Variants in KDM2B observed in about 807,000 individuals in gnomAD.
KDM2B encodes the protein lysine demethylase 2B.
In KDM2B, 26 loss-of-function variants were observed where a neutral mutation model predicts 150.0. That is an observed-to-expected ratio of 0.17 (90% CI 0.13 to 0.24). The LOEUF is 0.24. KDM2B is among the 10% of genes least tolerant of loss of function. The pLI is 1.00. For synonymous variants in KDM2B, 734 were observed against 729.5 expected (o/e 1.01, Z -0.10); for missense variants, 1,265 against 1,816.9 (o/e 0.70, Z 5.52).
chr12:121,476,085 A>G (rs998705037), intron 12 of KDM2B, among the ~76,000 whole-genome samples: 2 of 150,822 alleles, frequency 1.3e-5, no homozygotes, highest in Non-Finnish European at 2.9e-5. Context: ...ACCTGAGGTC[A>G]GGAGTTCAAG....
chr12:121,503,710 C>A (rs1224765226), intron 11 of KDM2B, among the ~76,000 whole-genome samples: 1 of 152,314 alleles, frequency 6.6e-6, no homozygotes, highest in East Asian at 1.9e-4. Context: ...GGGTAGCTGG[C>A]CAAAGCCAGC....
chr12:121,580,731 T>C (rs1891915652), intron 1 of KDM2B, 55 bp downstream of exon 1: 1 of 1,456,040 alleles, frequency 6.9e-7, no homozygotes, highest in African/African-American at 1.4e-5. Context: ...CCTGCCCTCA[T>C]TGCCCAGGGC....
intron 4 of KDM2B, among the ~76,000 whole-genome samples, chr12:121,563,902 A>C (rs1243755620): frequency 6.6e-6 from 1 of 152,088 alleles, no homozygotes; most frequent in Non-Finnish European, 1.5e-5. Context: ...GTCTCAAAAA[A>C]AAAATTAAAA....
chr12:121,485,115 C>A (rs1317951326), intron 12 of KDM2B, among the ~76,000 whole-genome samples: 1 of 152,148 alleles, frequency 6.6e-6, no homozygotes, highest in Non-Finnish European at 1.5e-5. Flanking sequence ...CCTGCTGACA[C>A]CCTGACCTTG....
In KDM2B at chr12:121,487,177, G is replaced by A. The variant is rs78218607; in HGVS notation, c.1734+7402C>T. 1.4e-3 allele frequency among the ~76,000 whole-genome samples: 220 copies of A among 152,130 alleles called. 1 individual carries two copies. Among genetic ancestry groups the A allele is most frequent in the African/African-American group, 5.2e-3 (217 of 41,518 alleles). On this transcript the variant is annotated intron_variant, in intron 12 of 22. Coordinates refer to ENST00000377071, the MANE Select transcript of KDM2B (RefSeq NM_032590.5). Reference sequence around the variant, plus strand: ...AAAGGAAAGAAACAAAAGAAGGAAAGAAAGAAAGAACGAAAGAACTGGGGC... The same window carrying A: ...AAAGGAAAGAAACAAAAGAAGGAAAAAAAGAAAGAACGAAAGAACTGGGGC...
intron 12 of KDM2B, among the ~76,000 whole-genome samples, chr12:121,493,188 A>G (rs1000561681): frequency 6.0e-5 from 9 of 149,834 alleles, no homozygotes; most frequent in Admixed American, 5.4e-4. Flanking sequence ...AACAACAGGC[A>G]TAAGCCACCA....
intron 22 of KDM2B, among the ~76,000 whole-genome samples, chr12:121,436,908 A>AC (rs1874099456): frequency 6.6e-6 from 1 of 152,244 alleles, no homozygotes. Context: ...CCTCCCACTT[A>AC]CTGTAGCAAC....
At chr12:121,473,284 T>C (rs1347903926) in intron 12 of KDM2B, among the ~76,000 whole-genome samples, 1 of 151,078 alleles carries the variant, frequency 6.6e-6, no homozygotes, top group Non-Finnish European at 1.5e-5. Flanking sequence ...CCCAGTTACT[T>C]GGGAGGCTGA....
rs564378175 is a variant in KDM2B, at chr12:121,476,093, A to G, written c.1734+18486T>C. Among the ~76,000 whole-genome samples the G allele has an allele frequency of 2.3e-3, 342 of 147,240 alleles. 1 individual carries two copies. Among genetic ancestry groups the G allele is most frequent in the Middle Eastern group, 3.4e-3 (1 of 290 alleles). ...GCAGATCACCTGAGGTCAGGAGTTC[A>G]AGACCAGCCTGGCCAACATGGTGAA... On this transcript the variant is annotated intron_variant, in intron 12 of 22. Transcript: ENST00000377071.
At chr12:121,559,851 T>C (rs28456287) in intron 4 of KDM2B, among the ~76,000 whole-genome samples, 1 of 148,486 alleles carries the variant, frequency 6.7e-6, no homozygotes, top group East Asian at 2.0e-4. Context: ...TGAGATGAGC[T>C]GAGATTGTGC....
chr12:121,575,878 T>G lies in KDM2B; in HGVS notation c.272-19A>C, dbSNP rs1555316798. 4 of 1,585,252 alleles carry G rather than the reference T, an allele frequency of 2.5e-6. No individual in the cohort carries two copies. The highest frequency in any genetic ancestry group is 3.5e-6 in the Non-Finnish European group (4 of 1,153,762). ...TTGAAATCTGTTTGGATATTTGAAT[T>G]AAAACAAGTTGGTTAAGTCACGAAG... On this transcript the variant is annotated intron_variant, in intron 2 of 22. Coordinates refer to ENST00000377071, the MANE Select transcript of KDM2B (RefSeq NM_032590.5). The surrounding 1 kb of genome is among the most constrained non-coding windows in gnomAD (Gnocchi z 4.4).
At chr12:121,574,509 T>G (rs1555316542) in intron 4 of KDM2B, 38 bp downstream of exon 4, 1 of 1,605,676 alleles carries the variant, frequency 6.2e-7, no homozygotes, top group African/African-American at 1.3e-5. Flanking sequence ...CTTCCCTACT[T>G]CAGCATGTCT....
chr12:121,496,460 C>CCAG (rs782462127), intron 11 of KDM2B, among the ~76,000 whole-genome samples: 1 of 151,536 alleles, frequency 6.6e-6, no homozygotes, highest in Non-Finnish European at 1.5e-5. Flanking sequence ...AGAAATGACT[C>CCAG]CAGCTTACTT....
intron 8 of KDM2B, chr12:121,524,755 G>C (rs1566375671): frequency 2.3e-6 from 1 of 437,272 alleles, no homozygotes; most frequent in East Asian, 7.1e-5. Flanking sequence ...TGGGAACGCT[G>C]GCATCTGCCT....
At position 121,513,312 on chromosome 12, in the gene KDM2B, G is replaced by A. The variant is rs1401209538; in HGVS notation, c.1138C>T (p.Leu380Phe). The A allele has an allele frequency of 1.7e-5, 27 of 1,613,654 alleles. No individual in the cohort carries two copies. Among genetic ancestry groups the A allele is most frequent in the Non-Finnish European group, 2.2e-5 (26 of 1,179,898 alleles). The change falls in exon 10 of 23, where the codon CTC becomes TTC. Residue 380 changes from leucine to phenylalanine, a missense_variant. Coordinates refer to ENST00000377071, the MANE Select transcript of KDM2B (RefSeq NM_032590.5). This position sits in a 1 kb window ranked among gnomAD's most constrained non-coding sequence, Gnocchi z 5.0. ...YVYCVTQRSH[L>F]TQEYQRESML... ...GACTCCCTCTGGTATTCCTGAGTGA[G>A]GTGGGAGCGCTGGGTCACACAGTAC...
At chr12:121,447,160 G>A (rs1258425027) in intron 13 of KDM2B, among the ~76,000 whole-genome samples, 2 of 152,110 alleles carry the variant, frequency 1.3e-5, no homozygotes, top group African/African-American at 4.8e-5. Flanking sequence ...ATATCTGTGT[G>A]AGGCAAAATT....
chr12:121,462,118 C>T (rs1555293851), intron 12 of KDM2B, among the ~76,000 whole-genome samples: 2 of 152,262 alleles, frequency 1.3e-5, no homozygotes, highest in South Asian at 2.1e-4. Context: ...GGGAAGGCCA[C>T]AGGCCCCCCG....
chr12:121,432,614 G>C (rs1873247134), intron 22 of KDM2B, among the ~76,000 whole-genome samples: 1 of 152,120 alleles, frequency 6.6e-6, no homozygotes, highest in African/African-American at 2.4e-5. Context: ...CATCTCTCCT[G>C]TTTTTCCTAT....
chr12:121,539,830 C>T (rs1888459926), intron 6 of KDM2B, among the ~76,000 whole-genome samples: 1 of 152,080 alleles, frequency 6.6e-6, no homozygotes, highest in African/African-American at 2.4e-5. Flanking sequence ...ACCTCCAACT[C>T]CCGAGTTTAA....
Sources: allele counts gnomAD v4.1 joint callset (sites outside exome capture counted in the v4.1 genomes callset), GRCh38; gene constraint gnomAD v4.1.1; non-coding constraint Gnocchi (gnomAD v3.1); transcripts MANE v1.5; gene names NCBI Gene and HGNC (gene_info 2026-07-23, HGNC 2026-07-21).